The following ASTN2 variants were observed in gnomAD, a reference collection of about 807,000 sequenced individuals.
ASTN2 encodes astrotactin 2.
Under a neutral mutation model 139.8 loss-of-function variants are expected in ASTN2, and 54 were observed. The ratio of observed to expected loss-of-function variants is 0.39; its 90% CI spans 0.31 to 0.48. The LOEUF is 0.48. Among genes scored for constraint, ASTN2 ranks in the 20% least tolerant of loss-of-function variants. The probability of loss-of-function intolerance (pLI) is 0.95; values close to 1 mark genes in which losing one functional copy is unlikely to be tolerated. For missense variants in ASTN2, 1,565 were observed against 1,725.1 expected (o/e 0.91, Z 1.64); for synonymous variants, 756 against 719.5 (o/e 1.05, Z -0.81).
chr9:117,255,343 C>A (rs2133098363), intron 2 of ASTN2, among the ~76,000 whole-genome samples: 1 of 152,328 alleles, frequency 6.6e-6, no homozygotes, highest in Non-Finnish European at 1.5e-5. Context: ...TAAGGGGATA[C>A]TGAATGCCTA....
intron 20 of ASTN2, among the ~76,000 whole-genome samples, chr9:116,470,695 A>C (rs1444313473): frequency 6.6e-6 from 1 of 152,238 alleles, no homozygotes; most frequent in Non-Finnish European, 1.5e-5. Context: ...AAGAGAAGGC[A>C]AAAGTCCTAC....
At chr9:117,275,652 G>A (rs956801737) in intron 2 of ASTN2, among the ~76,000 whole-genome samples, 2 of 139,382 alleles carry the variant, frequency 1.4e-5, no homozygotes, top group South Asian at 2.4e-4. Flanking sequence ...TGCAACCTCC[G>A]CCTCCCAGAT....
intron 11 of ASTN2, among the ~76,000 whole-genome samples, chr9:116,854,966 T>C (rs1367862762): frequency 6.7e-6 from 1 of 150,164 alleles, no homozygotes; most frequent in Non-Finnish European, 1.5e-5. Context: ...TTCTCATTAT[T>C]CCCCCCCCAC....
chr9:116,821,044 G>C (rs1168498043), intron 11 of ASTN2, among the ~76,000 whole-genome samples: 1 of 152,188 alleles, frequency 6.6e-6, no homozygotes, highest in Non-Finnish European at 1.5e-5. Context: ...TGTCAGCAAA[G>C]TGTTGAGAAC....
intron 7 of ASTN2, among the ~76,000 whole-genome samples, chr9:116,978,189 A>G (rs10817970): frequency 0.46 from 70,319 of 151,896 alleles, 16,806 homozygotes; most frequent in African/African-American, 0.56. Context: ...ATACATACAC[A>G]ATTTTCACCA....
intron 19 of ASTN2, among the ~76,000 whole-genome samples, chr9:116,618,118 A>G (rs1157865322): frequency 6.6e-6 from 1 of 152,140 alleles, no homozygotes; most frequent in East Asian, 1.9e-4. Flanking sequence ...AGAATCAGAC[A>G]CTCTTTCTAA....
At chr9:117,010,829 C>A (rs11794008) in intron 6 of ASTN2, among the ~76,000 whole-genome samples, 19,871 of 152,194 alleles carry the variant, frequency 0.13, 1,619 homozygotes, top group Middle Eastern at 0.19. Flanking sequence ...TGGGATGGTC[C>A]TTCAGTGATG....
intron 17 of ASTN2, among the ~76,000 whole-genome samples, chr9:116,647,015 C>T (rs1481468877): frequency 1.3e-5 from 2 of 152,154 alleles, no homozygotes; most frequent in Non-Finnish European, 2.9e-5. Context: ...GGGCATTCTA[C>T]CAGCAATGTT....
chr9:116,629,279 G>A (rs533380204), intron 17 of ASTN2, among the ~76,000 whole-genome samples: 9 of 152,024 alleles, frequency 5.9e-5, no homozygotes, highest in South Asian at 4.2e-4. Flanking sequence ...CACCATGCCC[G>A]GCTAATTTTT....
chr9:116,856,296 G>A (rs974981858), intron 11 of ASTN2, among the ~76,000 whole-genome samples: 5 of 152,164 alleles, frequency 3.3e-5, no homozygotes, highest in Non-Finnish European at 4.4e-5. Flanking sequence ...TCCATTTCTG[G>A]AAAGGAAAAA....
intron 6 of ASTN2, among the ~76,000 whole-genome samples, chr9:117,021,113 G>T (rs1837866442): frequency 1.3e-5 from 2 of 152,008 alleles, no homozygotes; most frequent in South Asian, 4.2e-4. Context: ...TTCCTATGTT[G>T]CCCAGGTTGG....
chr9:116,865,082 T>C (rs1832981362), intron 10 of ASTN2, among the ~76,000 whole-genome samples: 1 of 152,158 alleles, frequency 6.6e-6, no homozygotes, highest in South Asian at 2.1e-4. Flanking sequence ...CCTCGTCTCA[T>C]TCCCTGAACA....
chr9:117,329,737 G>T (rs774533231), intron 1 of ASTN2, among the ~76,000 whole-genome samples: 3 of 152,116 alleles, frequency 2.0e-5, no homozygotes, highest in Non-Finnish European at 4.4e-5. Context: ...TTGCTGCTGG[G>T]GTCATAAATT....
chr9:117,241,023 A>C (rs1301036349), intron 2 of ASTN2, among the ~76,000 whole-genome samples: 3 of 152,134 alleles, frequency 2.0e-5, no homozygotes, highest in African/African-American at 7.2e-5. Flanking sequence ...TAGAAGAGCC[A>C]CTCAAGATGA....
intron 3 of ASTN2, among the ~76,000 whole-genome samples, chr9:117,169,342 G>A (rs893849586): frequency 2.6e-5 from 4 of 152,010 alleles, no homozygotes; most frequent in East Asian, 1.9e-4. Context: ...TAAGTAAAAC[G>A]CTTTATCAAA....
At position 117,040,648 on chromosome 9, in the gene ASTN2, G is replaced by A. The variant is rs142308529; in HGVS notation, c.1277-683C>T. Reference sequence around the variant, plus strand: ...TAATTTTTGTATTTTTAGTAGAGACGGGTTTTCACCATGTTGGCCAGGCTG... The same window carrying A: ...TAATTTTTGTATTTTTAGTAGAGACAGGTTTTCACCATGTTGGCCAGGCTG... On this transcript the variant is annotated intron_variant, in intron 5 of 22. Transcript: ENST00000313400. Among the ~76,000 whole-genome samples, 596 of 152,092 alleles carry A rather than the reference G, an allele frequency of 3.9e-3. 2 individuals are homozygous for A. Among genetic ancestry groups the A allele is most frequent in the African/African-American group, 0.011 (476 of 41,520 alleles).
intron 19 of ASTN2, among the ~76,000 whole-genome samples, chr9:116,497,759 TC>T (rs1416185609): frequency 2.0e-5 from 3 of 151,770 alleles, no homozygotes; most frequent in East Asian, 3.9e-4. Context: ...CAAGTTCTCC[TC>T]CCCCCCAATC....
chr9:117,241,638 A>G (rs937549558), intron 2 of ASTN2, among the ~76,000 whole-genome samples: 2 of 152,184 alleles, frequency 1.3e-5, no homozygotes, highest in Admixed American at 1.3e-4. Context: ...CTGATCTGAC[A>G]GGAGGCAGAG....
intron 7 of ASTN2, among the ~76,000 whole-genome samples, chr9:116,991,129 C>T (rs913778596): frequency 1.3e-5 from 2 of 151,282 alleles, no homozygotes; most frequent in African/African-American, 4.8e-5. Flanking sequence ...ACATAACAGA[C>T]CATTCATCAC....
Sources: gnomAD v4.1 joint callset for allele counts (sites outside exome capture counted in the v4.1 genomes callset) on GRCh38, gnomAD v4.1.1 for gene constraint, MANE v1.5 for transcripts, NCBI Gene and HGNC (gene_info 2026-07-23, HGNC 2026-07-21) for gene names.